The following FBXO3 variants were observed in gnomAD, a reference collection of about 807,000 sequenced individuals.
FBXO3 encodes the protein F-box only protein 3.
In FBXO3, 17 loss-of-function variants were observed where a neutral mutation model predicts 64.8. The ratio of observed to expected loss-of-function variants is 0.26; its 90% CI spans 0.18 to 0.39. The LOEUF (loss-of-function observed/expected upper bound fraction) is 0.39, where lower values mean the gene tolerates loss of function less well. Ranked by LOEUF, FBXO3 falls within the 10% of genes least tolerant of loss-of-function variation. The probability of loss-of-function intolerance (pLI) is 1.00; values close to 1 mark genes in which losing one functional copy is unlikely to be tolerated. For synonymous variants in FBXO3, 182 were observed against 201.6 expected, an observed-to-expected ratio of 0.90 and a Z score of 0.82; for missense variants, 420 against 589.9, an observed-to-expected ratio of 0.71 and a Z score of 2.98.
At position 33,768,977 on chromosome 11, in the gene FBXO3, G is replaced by A; in HGVS notation, c.232C>T (p.Leu78Phe). 1.2e-6 allele frequency: 2 copies of A among 1,613,302 alleles called. No individual in the cohort carries two copies. The highest frequency in any genetic ancestry group is 1.7e-6 in the Non-Finnish European group (2 of 1,179,618). The change falls in exon 3 of 11, where the codon CTC becomes TTC. Residue 78 changes from leucine (L) to phenylalanine (F), a missense_variant. This residue lies in a region of FBXO3 where 337 missense variants were observed against 518.4 expected (regional missense o/e 0.65). Transcript: ENST00000265651. The stretch of plus-strand genomic sequence containing the variant: ...ACATCAGAGTAAGTATCTATGAAGA[G>A]AGATTTCCAACACTGATTCTTCTGT... ...KTQKNQCWKS[L>F]FIDTYSDVGR...
intron 7 of FBXO3, 93 bp downstream of exon 7, chr11:33,751,430 A>G: frequency 2.5e-6 from 2 of 815,248 alleles, no homozygotes; most frequent in South Asian, 3.1e-5. Context: ...TCTATTATCA[A>G]CCTTCTTGGG....
intron 1 of FBXO3, chr11:33,772,297 A>C (rs1855529633): frequency 6.6e-6 from 1 of 152,238 alleles, no homozygotes; most frequent in Admixed American, 6.5e-5. Flanking sequence ...TCTGTAGATA[A>C]AATTCAAATG....
At chr11:33,748,640 T>C (rs1854875917) in intron 9 of FBXO3, 137 bp downstream of exon 9, 1 of 475,456 alleles carries the variant, frequency 2.1e-6, no homozygotes, top group African/African-American at 1.9e-5. Flanking sequence ...TTTGCTATTA[T>C]TTCAGAAAAG....
At chr11:33,750,743 C>G in intron 7 of FBXO3, 82 bp from the exon 8 acceptor site, 3 of 1,308,762 alleles carry the variant, frequency 2.3e-6, no homozygotes, top group South Asian at 1.4e-5. Context: ...TACTTTAGGA[C>G]AAAAAATTTA....
chr11:33,756,024 G>T, intron 4 of FBXO3, 49 bp from the exon 5 acceptor site: 2 of 1,464,168 alleles, frequency 1.4e-6, no homozygotes, highest in Non-Finnish European at 1.9e-6. Context: ...GTGCCAAAGA[G>T]CTGTGCTTCA....
At chr11:33,755,997 ACATG>A in intron 4 of FBXO3, 22 bp from the exon 5 acceptor site, 2 of 1,594,910 alleles carry the variant, frequency 1.3e-6, no homozygotes, top group Admixed American at 3.3e-5. Flanking sequence ...ACAGACTCAA[ACATG>A]TAATACACGG....
intron 10 of FBXO3, chr11:33,744,978 C>A (rs1321773786): frequency 6.6e-6 from 1 of 152,080 alleles, no homozygotes; most frequent in African/African-American, 2.4e-5. Flanking sequence ...TTTACACCCA[C>A]CCTAACAAAC....
At chr11:33,772,809 G>GA (rs942000478) in intron 1 of FBXO3, 53 of 151,430 alleles carry the variant, frequency 3.5e-4, no homozygotes, top group Middle Eastern at 3.4e-3. Context: ...AGCCCTCGGG[G>GA]AAAAAAAAAT....
Position 33,741,638 on chromosome 11 carries a change from G to A in FBXO3, c.*270C>T, listed in dbSNP as rs1290918466. 1.9e-5 allele frequency: 5 copies of A among 268,754 alleles called. No individual in the cohort carries two copies. Among genetic ancestry groups the A allele is most frequent in the Non-Finnish European group, 1.4e-5 (2 of 144,746 alleles). The allele number at this position is 268,754 out of a possible 1,614,324, so 16.6% of individuals were successfully genotyped here. A position where few individuals can be genotyped will look rare whatever the true frequency, so the allele number is the denominator to read the frequency against. On this transcript the variant is annotated 3_prime_UTR_variant, in exon 11 of 11. Transcript: ENST00000265651. ...TAAGTATAAAATATTTTAAAACAAA[G>A]GTATGTCCATTCCTTAGCTAGAGAA...
At position 33,758,511 on chromosome 11, in the gene FBXO3, T is replaced by C; in HGVS notation, c.449A>G (p.Asn150Ser). ...CCCAGGAACCACTAACTTCTGTCCATTGTGAATTCGGTATGAACATCGATA... is the reference window on the plus strand; with the variant it reads ...CCCAGGAACCACTAACTTCTGTCCACTGTGAATTCGGTATGAACATCGATA... Reference protein sequence around the residue: ...DDYRCSYRIHNGQKLVVPGLL... With the variant: ...DDYRCSYRIHSGQKLVVPGLL... Residue 150 changes from asparagine (N) to serine (S), a missense_variant, in exon 4 of 11, where the codon AAT becomes AGT. Around this residue, in one of 3 missense-constraint regions of FBXO3, gnomAD observed 337 missense variants for 518.4 expected, o/e 0.65. Transcript: ENST00000265651. 3 of 1,606,522 alleles carry C rather than the reference T, an allele frequency of 1.9e-6. No individual in the cohort carries two copies. The highest frequency in any genetic ancestry group is 2.6e-6 in the Non-Finnish European group (3 of 1,174,564).
intron 3 of FBXO3, among the ~76,000 whole-genome samples, chr11:33,764,945 T>C (rs1855331658): frequency 1.3e-5 from 2 of 152,086 alleles, no homozygotes; most frequent in Middle Eastern, 3.4e-3. Context: ...CTGTACTCCA[T>C]CCTGAGTGAC....
rs931518796 is a variant in FBXO3, at chr11:33,743,561, G to C, written c.1240-1477C>G. On this transcript the variant is annotated intron_variant, in intron 10 of 10. Transcript: ENST00000265651. This position sits in a 1 kb window ranked among gnomAD's most constrained non-coding sequence, Gnocchi z 4.6. ...CACCAAGGCTTTTATGGTGTTACGT[G>C]ATCCACCACCCCATTAACACTCTGA... The C allele has an allele frequency of 2.0e-5, 3 of 152,286 alleles. No individual in the cohort carries two copies. The highest frequency in any genetic ancestry group is 4.8e-5 in the African/African-American group (2 of 41,460). The allele number at this position is 152,286 out of a possible 1,614,324, so 9.4% of individuals were successfully genotyped here.
intron 3 of FBXO3, chr11:33,763,133 AAAACTCCAG>A (rs1171397594): frequency 4.5e-6 from 1 of 222,450 alleles, no homozygotes; most frequent in Non-Finnish European, 9.6e-6. Context: ...TCCTACAATG[AAAACTCCAG>A]AATTGAATGG....
At chr11:33,762,359 C>G (rs1444854362) in intron 3 of FBXO3, among the ~76,000 whole-genome samples, 1 of 152,122 alleles carries the variant, frequency 6.6e-6, no homozygotes, top group Non-Finnish European at 1.5e-5. Flanking sequence ...TTTAAGTATA[C>G]ACAAAACACT....
intron 6 of FBXO3, among the ~76,000 whole-genome samples, chr11:33,752,828 GA>G (rs955966880): frequency 1.3e-5 from 2 of 151,934 alleles, no homozygotes; most frequent in African/African-American, 4.8e-5. Flanking sequence ...ATATTTTGTG[GA>G]AAAAAGTTAT....
chr11:33,774,517 G>C lies in FBXO3; in HGVS notation c.-20C>G, dbSNP rs774616387. ...CGCCATCTTGCCTGGCCCGGTGCAG[G>C]TCTGGCCCCGCCCTGGCCCCGCCCC... On this transcript the variant is annotated 5_prime_UTR_variant, in exon 1 of 11. Coordinates refer to ENST00000265651, the MANE Select transcript of FBXO3 (RefSeq NM_012175.4). The C allele has an allele frequency of 6.8e-7, 1 of 1,467,910 alleles. No individual in the cohort carries two copies. Among genetic ancestry groups the C allele is most frequent in the South Asian group, 1.4e-5 (1 of 72,304 alleles). 90.9% of individuals were successfully genotyped at this position (1,467,910 alleles called of 1,614,324 possible).
chr11:33,760,762 T>C (rs762354319), intron 3 of FBXO3, among the ~76,000 whole-genome samples: 9 of 151,960 alleles, frequency 5.9e-5, no homozygotes, highest in Non-Finnish European at 1.0e-4. Flanking sequence ...GAAGATGAAA[T>C]AAATACATTT....
chr11:33,755,827 T>C lies in FBXO3; in HGVS notation c.622A>G (p.Ile208Val). 6.2e-7 allele frequency: 1 copy of C among 1,614,192 alleles called. No homozygotes were observed. The highest frequency in any genetic ancestry group is 8.5e-7 in the Non-Finnish European group (1 of 1,180,012). The change falls in exon 5 of 11, where the codon ATA (isoleucine) becomes GTA (valine). Residue 208 changes from isoleucine to valine, a missense_variant. By Grantham distance (29) the Ile-to-Val change is conservative (BLOSUM62 3). Coordinates refer to ENST00000265651, the MANE Select transcript of FBXO3 (RefSeq NM_012175.4). ...FCIHTGLSQY[I>V]AVEAAEGRNK... ...CGGCCCTCTGCAGCTTCCACTGCTATGTACTGACTCAAACCAGTATGTATG... is the reference window on the plus strand; with the variant it reads ...CGGCCCTCTGCAGCTTCCACTGCTACGTACTGACTCAAACCAGTATGTATG...
chr11:33,747,601 T>A (rs1456920388), intron 9 of FBXO3, among the ~76,000 whole-genome samples: 3 of 151,380 alleles, frequency 2.0e-5, no homozygotes, highest in Non-Finnish European at 2.9e-5. Context: ...AAACTCCACC[T>A]CCTGGGCTCA....
Sources: gnomAD v4.1 joint callset for allele counts (sites outside exome capture counted in the v4.1 genomes callset) on GRCh38, gnomAD v4.1.1 for gene constraint, gnomAD v4.1.1 regional missense constraint, Gnocchi (gnomAD v3.1) non-coding constraint, MANE v1.5 for transcripts, NCBI Gene and HGNC (gene_info 2026-07-23, HGNC 2026-07-21) for gene names.